Variants in LYAR observed in about 807,000 individuals in gnomAD.
LYAR encodes cell growth-regulating nucleolar protein.
Under a neutral mutation model 45.2 loss-of-function variants are expected in LYAR, and 37 were observed. The ratio of observed to expected loss-of-function variants is 0.82; its 90% confidence interval spans 0.63 to 1.08. The LOEUF (loss-of-function observed/expected upper bound fraction) is 1.08, where lower values mean the gene tolerates loss of function less well. Among genes scored for constraint, LYAR ranks in the 50% least tolerant of loss-of-function variants. LYAR has a pLI of 0.00. For missense variants in LYAR, 493 were observed against 451.0 expected, an observed-to-expected ratio of 1.09 and a Z score of -0.84; for synonymous variants, 176 against 155.1, an observed-to-expected ratio of 1.14 and a Z score of -1.00.
chr4:4,273,552 C>A (rs1216008641), intron 8 of LYAR, 31 bp downstream of exon 8: 2 of 1,541,788 alleles, frequency 1.3e-6, no homozygotes, highest in African/African-American at 2.7e-5. Context: ...CTGTGCCCAG[C>A]CGTGCTCCTC....
chr4:4,286,747 T>G (rs76312137), intron 1 of LYAR, among the ~76,000 whole-genome samples, 175 bp from the exon 2 acceptor site: 3 of 150,770 alleles, frequency 2.0e-5, no homozygotes, highest in Non-Finnish European at 2.9e-5. Context: ...CCCGGGTTCA[T>G]GCCATTCTCT....
At chr4:4,275,439 C>CT (rs11457102) in intron 6 of LYAR, among the ~76,000 whole-genome samples, 123,700 of 144,054 alleles carry the variant, frequency 0.86, 53,045 homozygotes, top group East Asian at 0.94. Flanking sequence ...TCTCATCATT[C>CT]TTTTTTTTTT....
rs1262550093 is a variant in LYAR at position 4,274,554 on chromosome 4, T to C, written c.645A>G (p.Ser215=). Residue 215 remains serine (S), a synonymous_variant, in exon 7 of 10, where the codon TCA becomes TCG. Coordinates refer to ENST00000343470, the MANE Select transcript of LYAR (RefSeq NM_017816.3). The stretch of plus-strand genomic sequence containing the variant: ...TGCGCTTCTTAGGCTTCTGATTCCT[T>C]GAGTTTTCCTGGTGGTTTTCTAACT... ...ELKLENHQEN[S]RNQKPKKRKK... 6.2e-7 allele frequency: 1 copy of C among 1,611,738 alleles called. No individual in the cohort carries two copies. Among genetic ancestry groups the C allele is most frequent in the Admixed American group, 1.7e-5 (1 of 59,970 alleles).
At position 4,272,513 on chromosome 4, in the gene LYAR, A is replaced by T. The variant is rs147420609; in HGVS notation, c.919+1070T>A. The stretch of plus-strand genomic sequence containing the variant: ...CACAGTAAAAGATTATCAATAACTA[A>T]TAATAAAATAGAACAATTTTACAAT... On this transcript the variant is annotated intron_variant, in intron 8 of 9. Transcript: ENST00000343470. 5.3e-3 allele frequency among the ~76,000 whole-genome samples: 814 copies of T among 152,312 alleles called. 4 individuals carry two copies. Among genetic ancestry groups the T allele is most frequent in the Non-Finnish European group, 8.9e-3 (605 of 68,030 alleles).
At chr4:4,281,405 T>C (rs113122406) in intron 4 of LYAR, among the ~76,000 whole-genome samples, 6,129 of 151,956 alleles carry the variant, frequency 0.04, 454 homozygotes, top group East Asian at 0.32. Context: ...CTGCAACCTC[T>C]GCCTCCTGGC....
intron 1 of LYAR, among the ~76,000 whole-genome samples, chr4:4,289,167 A>G (rs1480207384): frequency 6.6e-6 from 1 of 152,110 alleles, no homozygotes; most frequent in Non-Finnish European, 1.5e-5. Flanking sequence ...TTCCTTGCAA[A>G]AGCCCTGGGA....
rs185948538 is a variant in LYAR, at chr4:4,271,043, T to C, written c.920-2428A>G. ...CAATCCAATTATACTCTAGTTATTTTAAAATGTACAATTAAATTATTATTG... is the reference window on the plus strand; with the variant it reads ...CAATCCAATTATACTCTAGTTATTTCAAAATGTACAATTAAATTATTATTG... On this transcript the variant is annotated intron_variant, in intron 8 of 9. Coordinates refer to ENST00000343470, the MANE Select transcript of LYAR (RefSeq NM_017816.3). Among the ~76,000 whole-genome samples, 9 of 152,320 alleles carry C rather than the reference T, an allele frequency of 5.9e-5. No homozygotes were observed. The East Asian group carries it at 1.7e-3, about 29-fold the overall frequency.
rs200746802 is a variant in LYAR, at chr4:4,267,892, T to C, written c.1137A>G (p.Lys379=). The C allele has an allele frequency of 2.3e-5, 37 of 1,609,206 alleles. No individual in the cohort carries two copies. The highest frequency in any genetic ancestry group is 3.3e-5 in the South Asian group (3 of 90,006). Residue 379 remains lysine (K), a synonymous_variant, in exon 10 of 10, where the codon AAA becomes AAG. Coordinates refer to ENST00000343470, the MANE Select transcript of LYAR (RefSeq NM_017816.3). ...KLLKDKVKLV[K] Reference sequence around the variant, plus strand: ...CAATTTTTAAATACACAAATGTTCATTTCACAAGCTTGACTTTGTCCTTTA... The same window carrying C: ...CAATTTTTAAATACACAAATGTTCACTTCACAAGCTTGACTTTGTCCTTTA...
chr4:4,280,921 C>T (rs375691161), intron 4 of LYAR, among the ~76,000 whole-genome samples: 2 of 152,306 alleles, frequency 1.3e-5, no homozygotes, highest in African/African-American at 4.8e-5. Flanking sequence ...ATTATCCCAC[C>T]TTCCTTTCTG....
At chr4:4,269,559 C>T (rs1486893291) in intron 8 of LYAR, among the ~76,000 whole-genome samples, 1 of 152,148 alleles carries the variant, frequency 6.6e-6, no homozygotes, top group Non-Finnish European at 1.5e-5. Flanking sequence ...GAGCCCTGCC[C>T]GGCAGGAGCA....
rs865816073 is a variant in LYAR at position 4,273,654 on chromosome 4, T to A, written c.848A>T (p.Lys283Met). Residue 283 changes from lysine (K) to methionine (M), a missense_variant, in exon 8 of 10, where the codon AAG (lysine) becomes ATG (methionine). Coordinates refer to ENST00000343470, the MANE Select transcript of LYAR (RefSeq NM_017816.3). ...CTCTGGGAGCTTCATCTTTTTCTTC[T>A]TAGAATCTGTTTCAACTAAGTATTT... ...RRHSEVETDSKKKKMKLPEHP... is the reference protein window; with the variant it reads ...RRHSEVETDSMKKKMKLPEHP... The A allele has an allele frequency of 6.2e-7, 1 of 1,610,480 alleles. No homozygotes were observed.
intron 2 of LYAR, among the ~76,000 whole-genome samples, chr4:4,285,614 C>T (rs533934351): frequency 3.4e-4 from 52 of 152,248 alleles, no homozygotes; most frequent in African/African-American, 1.2e-3. Context: ...TGAAAGCAGC[C>T]GTGATATGCC....
At chr4:4,274,338 G>C (rs753704442) in intron 7 of LYAR, 29 bp downstream of exon 7, 1 of 1,583,984 alleles carries the variant, frequency 6.3e-7, no homozygotes, top group South Asian at 1.1e-5. Flanking sequence ...GTTTTCAGAT[G>C]AATCCCAGAG....
chr4:4,271,088 G>C (rs1158318018), intron 8 of LYAR, among the ~76,000 whole-genome samples: 1 of 152,018 alleles, frequency 6.6e-6, no homozygotes, highest in East Asian at 1.9e-4. Flanking sequence ...ACCCTGTTGT[G>C]TTATGAAATA....
intron 8 of LYAR, among the ~76,000 whole-genome samples, chr4:4,269,160 G>C (rs1027154861): frequency 6.6e-6 from 1 of 152,074 alleles, no homozygotes; most frequent in Non-Finnish European, 1.5e-5. Context: ...GGGACCTCGG[G>C]GCCTGCAGAG....
chr4:4,276,936 C>A (rs1283965145), intron 6 of LYAR, among the ~76,000 whole-genome samples: 1 of 152,146 alleles, frequency 6.6e-6, no homozygotes, highest in African/African-American at 2.4e-5. Flanking sequence ...GTTGTCAAGG[C>A]TCATGGGGTA....
chr4:4,281,664 G>T, intron 4 of LYAR, 119 bp downstream of exon 4: 1 of 755,704 alleles, frequency 1.3e-6, no homozygotes, highest in Non-Finnish European at 2.3e-6. Context: ...GTCTATCCTA[G>T]GACATGAGGT....
chr4:4,278,545 C>T (rs906508985), intron 6 of LYAR, among the ~76,000 whole-genome samples: 5 of 152,138 alleles, frequency 3.3e-5, no homozygotes, highest in South Asian at 2.1e-4. Flanking sequence ...CTACCTTAAC[C>T]GTAACCTTCA....
chr4:4,278,873 C>T (rs1314680947), intron 6 of LYAR, among the ~76,000 whole-genome samples: 1 of 152,214 alleles, frequency 6.6e-6, no homozygotes, highest in Admixed American at 6.5e-5. Flanking sequence ...TCCCATGTAT[C>T]TATCTCCCTG....
Sources: gnomAD v4.1 joint callset for allele counts (sites outside exome capture counted in the v4.1 genomes callset) on GRCh38, gnomAD v4.1.1 for gene constraint, MANE v1.5 for transcripts, NCBI Gene and HGNC (gene_info 2026-07-23, HGNC 2026-07-21) for gene names.